The following ABLIM2 variants were observed in gnomAD, a reference collection of about 807,000 sequenced individuals.
ABLIM2 encodes the protein actin binding LIM protein family member 2.
Under a neutral mutation model 97.7 loss-of-function variants are expected in ABLIM2, and 53 were observed. The observed-to-expected ratio is 0.54, with a 90% CI of 0.44 to 0.68. The LOEUF (loss-of-function observed/expected upper bound fraction) is 0.68, where lower values mean the gene tolerates loss of function less well. ABLIM2 is among the 30% of genes least tolerant of loss of function. The pLI is 0.00. For synonymous variants in ABLIM2, 361 were observed against 345.8 expected, an observed-to-expected ratio of 1.04 and a Z score of -0.49; for missense variants, 835 against 867.2, an observed-to-expected ratio of 0.96 and a Z score of 0.47.
intron 17 of ABLIM2, among the ~76,000 whole-genome samples, chr4:7,990,346 C>T (rs994181028): frequency 2.0e-5 from 3 of 152,120 alleles, no homozygotes; most frequent in Middle Eastern, 3.4e-3. Context: ...ATAGGATGCC[C>T]GCCACCATAC....
Position 7,966,817 on chromosome 4 carries a change from G to T in ABLIM2, c.*173C>A. 3.4e-6 allele frequency: 2 copies of T among 585,790 alleles called. No homozygotes were observed. Among genetic ancestry groups the T allele is most frequent in the Non-Finnish European group, 6.1e-6 (2 of 329,758 alleles). 36.3% of individuals were successfully genotyped at this position (585,790 alleles called of 1,614,324 possible). A position where few individuals can be genotyped will look rare whatever the true frequency, so the allele number is the denominator to read the frequency against. On this transcript the variant is annotated 3_prime_UTR_variant, in exon 21 of 21. Transcript: ENST00000447017. Reference sequence around the variant, plus strand: ...TAGCCGTCTCGGCCCTAAACTACCGGCAGGAGTGTCGCCGGCAGGTGCAGG... The same window carrying T: ...TAGCCGTCTCGGCCCTAAACTACCGTCAGGAGTGTCGCCGGCAGGTGCAGG...
intron 12 of ABLIM2, among the ~76,000 whole-genome samples, chr4:8,025,698 G>C (rs1423126559): frequency 6.6e-6 from 1 of 152,186 alleles, no homozygotes; most frequent in Non-Finnish European, 1.5e-5. Context: ...CTGCTCACAG[G>C]GGCTGCCTGG....
intron 15 of ABLIM2, 128 bp downstream of exon 15, chr4:8,008,922 G>T (rs1560575951): frequency 2.9e-6 from 3 of 1,047,468 alleles, no homozygotes; most frequent in Non-Finnish European, 4.3e-6. Flanking sequence ...TCCTACCTTT[G>T]GCCTCGCAGG....
Position 8,032,769 on chromosome 4 carries a change from C to T in ABLIM2, c.1048-2993G>A, listed in dbSNP as rs979223207. On this transcript the variant is annotated intron_variant, in intron 10 of 20. Transcript: ENST00000447017. The surrounding 1 kb of genome is among the most constrained non-coding windows in gnomAD (Gnocchi z 4.3). ...TTCCGTGACTGGCAGGCAACACAGG[C>T]GCAAACACCCACACAGAGCCCTGAT... 2.4e-5 allele frequency: 32 copies of T among 1,354,992 alleles called. No homozygotes were observed. The Middle Eastern group carries it at 7.1e-4, about 30-fold the overall frequency. The allele number at this position is 1,354,992 out of a possible 1,614,324, so 83.9% of individuals were successfully genotyped here. A position where few individuals can be genotyped will look rare whatever the true frequency, so the allele number is the denominator to read the frequency against.
chr4:7,989,332 G>A, intron 17 of ABLIM2: 1 of 880,604 alleles, frequency 1.1e-6, no homozygotes, highest in Non-Finnish European at 1.4e-6. Flanking sequence ...ACCCACCTCG[G>A]CCTCGCAGAG....
intron 1 of ABLIM2, among the ~76,000 whole-genome samples, chr4:8,134,048 T>C (rs1370835540): frequency 6.6e-6 from 1 of 152,126 alleles, no homozygotes; most frequent in East Asian, 1.9e-4. Context: ...ACGGCTGCCA[T>C]GGGCACAGGC....
Position 7,976,823 on chromosome 4 carries a change from G to A in ABLIM2, c.1824+6441C>T, listed in dbSNP as rs183165278. 8.6e-5 allele frequency among the ~76,000 whole-genome samples: 13 copies of A among 151,072 alleles called. No homozygotes were observed. In the East Asian group the frequency reaches 9.7e-4, roughly 11 times the overall value. The stretch of plus-strand genomic sequence containing the variant: ...CATACACATGTATACACACATAGAC[G>A]CACATACACACATGCACACACATAT... On this transcript the variant is annotated intron_variant, in intron 20 of 20. Transcript: ENST00000447017.
chr4:8,133,257 A>G (rs1056063593), intron 1 of ABLIM2, among the ~76,000 whole-genome samples: 9 of 152,190 alleles, frequency 5.9e-5, no homozygotes, highest in African/African-American at 1.9e-4. Context: ...CCACCAAGTA[A>G]GGTCACATGC....
chr4:8,150,604 C>T lies in ABLIM2; in HGVS notation c.10+8076G>A, dbSNP rs1189002869. 2.0e-5 allele frequency among the ~76,000 whole-genome samples: 3 copies of T among 152,240 alleles called. No individual in the cohort carries two copies. The highest frequency in any genetic ancestry group is 2.1e-4 in the South Asian group (1 of 4,830). On this transcript the variant is annotated intron_variant, in intron 1 of 20. Transcript: ENST00000447017. This position sits in a 1 kb window ranked among gnomAD's most constrained non-coding sequence, Gnocchi z 6.3. Reference sequence around the variant, plus strand: ...AACTTCCAGCACAGGGTGCGAGCTCCGTGCCGGAGGCGGGAGGAGCCACTG... The same window carrying T: ...AACTTCCAGCACAGGGTGCGAGCTCTGTGCCGGAGGCGGGAGGAGCCACTG...
At chr4:8,106,347 C>A in intron 2 of ABLIM2, 147 bp downstream of exon 2, 1 of 1,154,668 alleles carries the variant, frequency 8.7e-7, no homozygotes, top group Non-Finnish European at 1.2e-6. Context: ...TTGAAAAGAT[C>A]CCACTCTCCT....
At chr4:8,157,877 A>G (rs1715904725) in intron 1 of ABLIM2, among the ~76,000 whole-genome samples, 1 of 152,274 alleles carries the variant, frequency 6.6e-6, no homozygotes, top group Admixed American at 6.5e-5. Context: ...CCGGGAATGC[A>G]ACGACAAGCC....
chr4:8,019,516 C>T lies in ABLIM2; in HGVS notation c.1423+102G>A. On this transcript the variant is annotated intron_variant, in intron 14 of 20. Transcript: ENST00000447017. This position sits in a 1 kb window ranked among gnomAD's most constrained non-coding sequence, Gnocchi z 4.3. ...CTGCTAAGGGCCTTGGTGGTGCCTT[C>T]ACTGCATTTATCAGAACACAACAAA... is the stretch of plus-strand genomic sequence containing the variant. 8.4e-7 allele frequency: 1 copy of T among 1,187,232 alleles called. No homozygotes were observed. Among genetic ancestry groups the T allele is most frequent in the South Asian group, 1.4e-5 (1 of 69,256 alleles). 73.5% of individuals were successfully genotyped at this position (1,187,232 alleles called of 1,614,324 possible). A position where few individuals can be genotyped will look rare whatever the true frequency, so the allele number is the denominator to read the frequency against.
chr4:8,084,359 C>G (rs1200595847), intron 4 of ABLIM2, among the ~76,000 whole-genome samples: 1 of 152,138 alleles, frequency 6.6e-6, no homozygotes, highest in African/African-American at 2.4e-5. Flanking sequence ...AGCCCGGGAG[C>G]AGTGGGAGCT....
At position 7,982,189 on chromosome 4, in the gene ABLIM2, C is replaced by T. The variant is rs551151991; in HGVS notation, c.1824+1075G>A. 6.0e-5 allele frequency among the ~76,000 whole-genome samples: 9 copies of T among 150,808 alleles called. No homozygotes were observed. The East Asian group carries it at 1.7e-3, about 29-fold the overall frequency. On this transcript the variant is annotated intron_variant, in intron 20 of 20. Transcript: ENST00000447017. ...CCACCGCCCCTCAGCGGCATCCACG[C>T]CCCTCCAACTCCTTCCCCAGCTGCA...
chr4:8,079,037 G>A (rs1013913061), intron 5 of ABLIM2, among the ~76,000 whole-genome samples: 2 of 152,232 alleles, frequency 1.3e-5, no homozygotes, highest in East Asian at 3.8e-4. Context: ...TCCAAGCTCC[G>A]GGCTGTTGCT....
Position 8,058,745 on chromosome 4 carries a change from C to T in ABLIM2, c.763+2222G>A, listed in dbSNP as rs1478698104. On this transcript the variant is annotated intron_variant, in intron 7 of 20. Transcript: ENST00000447017. The surrounding 1 kb of genome is among the most constrained non-coding windows in gnomAD (Gnocchi z 4.2). ...TGCCCAGGTCTCCACCATCACCCTC[C>T]CAACCCATCCAGTCTTAGGCCTGCC... Among the ~76,000 whole-genome samples the T allele has an allele frequency of 6.6e-6, 1 of 152,160 alleles. No homozygotes were observed. The highest frequency in any genetic ancestry group is 1.5e-5 in the Non-Finnish European group (1 of 68,036).
At chr4:8,031,212 T>C (rs1055944086) in intron 10 of ABLIM2, among the ~76,000 whole-genome samples, 1 of 152,206 alleles carries the variant, frequency 6.6e-6, no homozygotes, top group African/African-American at 2.4e-5. Flanking sequence ...AGGCTGTGCA[T>C]GGCTGTGCAC....
At chr4:8,152,525 C>T (rs1023244429) in intron 1 of ABLIM2, among the ~76,000 whole-genome samples, 3 of 152,230 alleles carry the variant, frequency 2.0e-5, no homozygotes, top group South Asian at 2.1e-4. Context: ...GGGTGCTGCC[C>T]GACACCCTAG....
intron 12 of ABLIM2, among the ~76,000 whole-genome samples, chr4:8,026,209 C>G (rs1777243576): frequency 6.6e-6 from 1 of 152,212 alleles, no homozygotes; most frequent in Non-Finnish European, 1.5e-5. Flanking sequence ...ACCAGGTTTC[C>G]CAGGCTGGTC....
Sources: allele counts gnomAD v4.1 joint callset (sites outside exome capture counted in the v4.1 genomes callset), GRCh38; gene constraint gnomAD v4.1.1; non-coding constraint Gnocchi (gnomAD v3.1); transcripts MANE v1.5; gene names NCBI Gene and HGNC (gene_info 2026-07-23, HGNC 2026-07-21).